Variants in SNTG2 observed in about 807,000 individuals in gnomAD.
SNTG2 encodes the protein syntrophin gamma 2, also known as gamma-2-syntrophin.
In SNTG2, 74 loss-of-function variants were observed where a neutral mutation model predicts 70.9. The observed-to-expected ratio is 1.04, with a 90% CI of 0.86 to 1.27. The LOEUF (loss-of-function observed/expected upper bound fraction) is 1.27. Ranked by LOEUF, SNTG2 falls within the 50% of genes most tolerant of loss-of-function variation. SNTG2 has a pLI of 0.00. For synonymous variants in SNTG2, 278 were observed against 273.8 expected, an observed-to-expected ratio of 1.02 and a Z score of -0.15; for missense variants, 717 against 690.7, an observed-to-expected ratio of 1.04 and a Z score of -0.43.
chr2:1,142,789 T>G (rs1468954330), intron 6 of SNTG2, among the ~76,000 whole-genome samples: 2 of 152,204 alleles, frequency 1.3e-5, no homozygotes, highest in African/African-American at 4.8e-5. Flanking sequence ...TGCACCCATA[T>G]TAATACATTT....
intron 7 of SNTG2, among the ~76,000 whole-genome samples, chr2:1,171,926 A>C (rs1199836932): frequency 6.6e-6 from 1 of 152,176 alleles, no homozygotes; most frequent in Non-Finnish European, 1.5e-5. Flanking sequence ...GTCTGCACCA[A>C]GCGAGGCTGG....
In SNTG2 at chr2:1,266,751, C is replaced by CTTTTTTTTTTTTTTTTTTTTT. The variant is rs59679083; in HGVS notation, c.1078-600_1078-599insTTTTTTTTTTTTTTTTTTTTT. ...AATGTCTCAAGACTTTCATCTTTAT[C>CTTTTTTTTTTTTTTTTTTTTT]TTTTTTTTTTTTTTCTTGAGACAGG... On this transcript the variant is annotated intron_variant, in intron 13 of 16. Transcript: ENST00000308624. Among the ~76,000 whole-genome samples, 7 of 107,752 alleles carry CTTTTTTTTTTTTTTTTTTTTT rather than the reference C, an allele frequency of 6.5e-5. 1 individual carries two copies. The highest frequency in any genetic ancestry group is 6.9e-5 in the Non-Finnish European group (4 of 57,962). 70.7% of individuals were successfully genotyped at this position (107,752 alleles called of 152,430 possible). A position where few individuals can be genotyped will look rare whatever the true frequency, so the allele number is the denominator to read the frequency against.
At chr2:1,098,447 G>A in intron 4 of SNTG2, 37 bp downstream of exon 4, 3 of 1,590,252 alleles carry the variant, frequency 1.9e-6, no homozygotes, top group Non-Finnish European at 2.6e-6. Flanking sequence ...ATGCATCACA[G>A]CCATTTGTGA....
At chr2:1,064,466 T>G (rs1039084838) in intron 1 of SNTG2, among the ~76,000 whole-genome samples, 79 of 151,040 alleles carry the variant, frequency 5.2e-4, no homozygotes, top group African/African-American at 1.6e-3. Flanking sequence ...ATTTTAAGTT[T>G]ATATATATAA....
At chr2:1,038,747 G>A (rs961441888) in intron 1 of SNTG2, among the ~76,000 whole-genome samples, 1 of 152,188 alleles carries the variant, frequency 6.6e-6, no homozygotes, top group Non-Finnish European at 1.5e-5. Context: ...AGCATGAAAA[G>A]CCTGGTAAAT....
intron 1 of SNTG2, among the ~76,000 whole-genome samples, chr2:972,455 C>CT (rs952268486): frequency 2.0e-4 from 31 of 152,048 alleles, no homozygotes; most frequent in African/African-American, 5.3e-4. Context: ...GTAACTCCTG[C>CT]TTTTTTTTAC....
At chr2:1,361,866 T>C (rs1661177064) in intron 16 of SNTG2, among the ~76,000 whole-genome samples, 3 of 106,582 alleles carry the variant, frequency 2.8e-5, no homozygotes, top group Non-Finnish European at 4.2e-5. Context: ...AGAACTTCCA[T>C]GAAAGTCACC....
intron 9 of SNTG2, among the ~76,000 whole-genome samples, chr2:1,212,792 G>T (rs1027888832): frequency 5.9e-5 from 9 of 152,180 alleles, no homozygotes; most frequent in Non-Finnish European, 1.3e-4. Flanking sequence ...AGAGACTTGG[G>T]TGTGTTGATC....
At chr2:1,266,234 G>T (rs763707911) in intron 13 of SNTG2, among the ~76,000 whole-genome samples, 2 of 152,090 alleles carry the variant, frequency 1.3e-5, no homozygotes, top group Non-Finnish European at 2.9e-5. Context: ...TTGAGTGCGC[G>T]TTCACCATGC....
At chr2:1,241,370 C>G (rs975811733) in intron 11 of SNTG2, among the ~76,000 whole-genome samples, 1 of 152,150 alleles carries the variant, frequency 6.6e-6, no homozygotes, top group Non-Finnish European at 1.5e-5. Context: ...ATGGACTTGG[C>G]CTTTACGTGT....
intron 16 of SNTG2, among the ~76,000 whole-genome samples, chr2:1,356,405 A>G (rs558922985): frequency 2.0e-5 from 3 of 152,274 alleles, no homozygotes; most frequent in Non-Finnish European, 4.4e-5. Flanking sequence ...TTTGCTTCTG[A>G]ATATCCAGTT....
At chr2:1,033,217 G>C (rs893100360) in intron 1 of SNTG2, among the ~76,000 whole-genome samples, 4 of 152,172 alleles carry the variant, frequency 2.6e-5, no homozygotes, top group Admixed American at 1.3e-4. Flanking sequence ...TGGTACTGCA[G>C]CCTCAGGCAA....
intron 1 of SNTG2, among the ~76,000 whole-genome samples, chr2:965,369 TCCTCCTCCTGGTCCC>T: frequency 7.5e-6 from 1 of 133,066 alleles, no homozygotes; most frequent in African/African-American, 3.5e-5. Flanking sequence ...TGGTCCCCAA[TCCTCCTCCTGGTCCC>T]CAGTCCTCCT....
intron 1 of SNTG2, among the ~76,000 whole-genome samples, chr2:1,004,079 C>T (rs1659490140): frequency 6.6e-6 from 1 of 152,220 alleles, no homozygotes; most frequent in South Asian, 2.1e-4. Context: ...TATACCTATA[C>T]AGAATCCCCT....
At chr2:1,328,463 A>C (rs188601339) in intron 16 of SNTG2, among the ~76,000 whole-genome samples, 37 of 152,322 alleles carry the variant, frequency 2.4e-4, no homozygotes, top group African/African-American at 8.4e-4. Flanking sequence ...TTCCTCTCCA[A>C]AAAAGAGTTT....
chr2:1,200,365 A>G (rs181941846), intron 8 of SNTG2, among the ~76,000 whole-genome samples: 1 of 152,182 alleles, frequency 6.6e-6, no homozygotes, highest in African/African-American at 2.4e-5. Flanking sequence ...TAAAAAATCA[A>G]CTCAAAGTGG....
intron 1 of SNTG2, among the ~76,000 whole-genome samples, chr2:1,082,562 C>T (rs1280068258): frequency 6.6e-6 from 1 of 152,208 alleles, no homozygotes. Context: ...GGTGGAGTCT[C>T]AGCCCTCCTT....
At chr2:1,232,410 C>G (rs186380707) in intron 9 of SNTG2, among the ~76,000 whole-genome samples, 1 of 152,226 alleles carries the variant, frequency 6.6e-6, no homozygotes, top group East Asian at 1.9e-4. Context: ...AGGGATTCTC[C>G]TGCCTCAGCC....
chr2:1,055,861 G>A (rs1337244971), intron 1 of SNTG2, among the ~76,000 whole-genome samples: 1 of 152,180 alleles, frequency 6.6e-6, no homozygotes, highest in African/African-American at 2.4e-5. Flanking sequence ...TGCAGAATGA[G>A]CAGGTGTCTT....
Sources: gnomAD v4.1 joint callset for allele counts (sites outside exome capture counted in the v4.1 genomes callset) on GRCh38, gnomAD v4.1.1 for gene constraint, MANE v1.5 for transcripts, NCBI Gene and HGNC (gene_info 2026-07-23, HGNC 2026-07-21) for gene names.